ARID5B: variants seen among roughly 807,000 people sequenced by gnomAD.
ARID5B encodes the protein AT-rich interactive domain-containing protein 5B.
In ARID5B, 13 loss-of-function variants were observed where a neutral mutation model predicts 97.2. The observed-to-expected ratio is 0.13, with a 90% CI of 0.09 to 0.21. The LOEUF (loss-of-function observed/expected upper bound fraction) is 0.21, where lower values mean the gene tolerates loss of function less well. Ranked by LOEUF, ARID5B falls within the 10% of genes least tolerant of loss-of-function variation. The pLI is 1.00. For missense variants in ARID5B, 1,210 were observed against 1,465.3 expected, an observed-to-expected ratio of 0.83 and a Z score of 2.84; for synonymous variants, 556 against 570.3, an observed-to-expected ratio of 0.97 and a Z score of 0.36.
chr10:62,017,917 T>C (rs1307604373), intron 4 of ARID5B, among the ~76,000 whole-genome samples: 1 of 152,198 alleles, frequency 6.6e-6, no homozygotes, highest in Admixed American at 6.5e-5. Context: ...AAGGTTTGTG[T>C]GTAGAGGAGA....
intron 4 of ARID5B, among the ~76,000 whole-genome samples, chr10:62,009,088 C>A (rs1008909167): frequency 6.6e-6 from 1 of 152,200 alleles, no homozygotes; most frequent in African/African-American, 2.4e-5. Context: ...GGCAGAGTAG[C>A]CAAGCTCTTG....
intron 2 of ARID5B, among the ~76,000 whole-genome samples, chr10:61,932,174 T>C (rs2132784999): frequency 6.6e-6 from 1 of 152,292 alleles, no homozygotes; most frequent in South Asian, 2.1e-4. Context: ...ATTTACACCA[T>C]ACTGTAGTCT....
At chr10:61,932,518 C>T (rs913961579) in intron 2 of ARID5B, among the ~76,000 whole-genome samples, 7 of 151,636 alleles carry the variant, frequency 4.6e-5, no homozygotes, top group Non-Finnish European at 1.0e-4. Flanking sequence ...TCAAGTGATC[C>T]TTCCACCTCA....
chr10:61,979,420 T>C (rs900339308), intron 3 of ARID5B, among the ~76,000 whole-genome samples: 1 of 152,126 alleles, frequency 6.6e-6, no homozygotes, highest in Non-Finnish European at 1.5e-5. Context: ...TAGGAAGGAT[T>C]TCACAGAGTC....
chr10:61,974,301 C>G (rs979021510), intron 3 of ARID5B, among the ~76,000 whole-genome samples: 1 of 152,158 alleles, frequency 6.6e-6, no homozygotes, highest in Non-Finnish European at 1.5e-5. Flanking sequence ...ACAATATCTT[C>G]TAGGGTCTTT....
At position 61,935,320 on chromosome 10, in the gene ARID5B, C is replaced by A. The variant is rs143676275; in HGVS notation, c.277-4863C>A. 4.1e-3 allele frequency among the ~76,000 whole-genome samples: 628 copies of A among 152,238 alleles called. 2 individuals carry two copies. Among genetic ancestry groups the A allele is most frequent in the Middle Eastern group, 0.02 (6 of 294 alleles). ...TGAAACAAACCAGATGTCCCTCAGTCAGTGCGTGGATAAACAAACTTTGGG... is the reference window on the plus strand; with the variant it reads ...TGAAACAAACCAGATGTCCCTCAGTAAGTGCGTGGATAAACAAACTTTGGG... On this transcript the variant is annotated intron_variant, in intron 2 of 9. Transcript: ENST00000279873.
chr10:61,926,025 A>G (rs1844099504), intron 2 of ARID5B, among the ~76,000 whole-genome samples: 1 of 152,186 alleles, frequency 6.6e-6, no homozygotes, highest in South Asian at 2.1e-4. Flanking sequence ...AGCTTGGGAA[A>G]TTAGAACCCA....
intron 3 of ARID5B, among the ~76,000 whole-genome samples, chr10:61,993,122 C>T (rs61850773): frequency 2.0e-3 from 10 of 4,992 alleles, no homozygotes; most frequent in Non-Finnish European, 0.017. Flanking sequence ...AAGGGAGATA[C>T]ACACACACAC....
At chr10:62,059,446 A>G in intron 7 of ARID5B, 151 bp downstream of exon 7, 1 of 612,920 alleles carries the variant, frequency 1.6e-6, no homozygotes, top group Admixed American at 3.0e-5. Flanking sequence ...CCGCTTTGGA[A>G]ACAGTCCCAA....
chr10:62,059,397 C>A (rs1279487968), intron 7 of ARID5B, 102 bp downstream of exon 7: 1 of 945,174 alleles, frequency 1.1e-6, no homozygotes, highest in Non-Finnish European at 1.7e-6. Context: ...TCACTGACTG[C>A]CTTTTCAAAT....
chr10:61,902,926 T>C (rs1401334649), intron 2 of ARID5B, among the ~76,000 whole-genome samples: 2 of 152,128 alleles, frequency 1.3e-5, no homozygotes, highest in Non-Finnish European at 2.9e-5. Context: ...TCAAAAGCTA[T>C]TGAGTTGGCA....
intron 2 of ARID5B, among the ~76,000 whole-genome samples, chr10:61,909,545 C>G (rs953348695): frequency 6.6e-6 from 1 of 151,766 alleles, no homozygotes; most frequent in African/African-American, 2.4e-5. Flanking sequence ...CAGGATGGTC[C>G]CGATCTCCTG....
At chr10:62,069,060 T>C (rs1440481409) in intron 7 of ARID5B, among the ~76,000 whole-genome samples, 1 of 152,242 alleles carries the variant, frequency 6.6e-6, no homozygotes, top group African/African-American at 2.4e-5. Context: ...TTGCAACATA[T>C]ACAGTTTCAG....
At chr10:61,955,808 G>A (rs139940727) in intron 3 of ARID5B, among the ~76,000 whole-genome samples, 326 of 152,010 alleles carry the variant, frequency 2.1e-3, no homozygotes, top group Non-Finnish European at 3.9e-3. Context: ...CTGCCACCAC[G>A]CCCAGCTAGT....
intron 6 of ARID5B, among the ~76,000 whole-genome samples, chr10:62,058,473 T>C (rs1302551214): frequency 1.3e-5 from 2 of 152,212 alleles, no homozygotes. Context: ...GCAGTCCCAT[T>C]CCATGGTGTT....
In ARID5B at chr10:62,085,871, A is replaced by T. The variant is rs1266527085; in HGVS notation, c.1369A>T (p.Asn457Tyr). ...ACCTAAAAGCAAGAAAGAAAAAGAAAATGCCCCAAAGCCCCAGGATGCAGC... is the reference window on the plus strand; with the variant it reads ...ACCTAAAAGCAAGAAAGAAAAAGAATATGCCCCAAAGCCCCAGGATGCAGC... ...EIPKSKKEKENAPKPQDAAEV... is the reference protein window; with the variant it reads ...EIPKSKKEKEYAPKPQDAAEV... Residue 457 changes from asparagine to tyrosine, a missense_variant, in exon 9 of 10, where the codon AAT becomes TAT. Asn to Tyr is a moderately radical substitution (Grantham distance 143). Coordinates refer to ENST00000279873, the MANE Select transcript of ARID5B (RefSeq NM_032199.3). 6 of 1,613,544 alleles carry T rather than the reference A, an allele frequency of 3.7e-6. No individual in the cohort carries two copies. The highest frequency in any genetic ancestry group is 5.1e-6 in the Non-Finnish European group (6 of 1,179,934).
chr10:61,993,692 G>A (rs965085766), intron 3 of ARID5B, among the ~76,000 whole-genome samples: 5 of 152,056 alleles, frequency 3.3e-5, no homozygotes, highest in African/African-American at 7.2e-5. Context: ...ACAAATATTC[G>A]GTGTCACAAC....
At chr10:62,056,601 T>C (rs998384457) in intron 5 of ARID5B, among the ~76,000 whole-genome samples, 1 of 152,066 alleles carries the variant, frequency 6.6e-6, no homozygotes, top group Non-Finnish European at 1.5e-5. Flanking sequence ...GGAGGCAGGG[T>C]TTGTTCAAGG....
chr10:62,052,297 C>T (rs1050693731), intron 5 of ARID5B, among the ~76,000 whole-genome samples: 1 of 152,226 alleles, frequency 6.6e-6, no homozygotes, highest in East Asian at 1.9e-4. Context: ...CTAGAACTAT[C>T]TACCTAGGAC....
Sources: gnomAD v4.1 joint callset for allele counts (sites outside exome capture counted in the v4.1 genomes callset) on GRCh38, gnomAD v4.1.1 for gene constraint, MANE v1.5 for transcripts, NCBI Gene and HGNC (gene_info 2026-07-23, HGNC 2026-07-21) for gene names.